The following ZNF483 variants were observed in gnomAD, a reference collection of about 807,000 sequenced individuals.
ZNF483 encodes zinc finger protein 483, also known as zinc finger protein HIT-10.
Under a neutral mutation model 28.6 loss-of-function variants are expected in ZNF483, and 9 were observed. The observed-to-expected ratio is 0.32, with a 90% CI of 0.19 to 0.55. ZNF483 has a LOEUF of 0.55. ZNF483 is among the 20% of genes least tolerant of loss of function. The pLI, the probability that ZNF483 is intolerant of heterozygous loss-of-function variation, is 0.93. For synonymous variants in ZNF483, 322 were observed against 306.2 expected (o/e 1.05, Z -0.54); for missense variants, 675 against 871.7 (o/e 0.77, Z 2.84).
intron 2 of ZNF483, among the ~76,000 whole-genome samples, chr9:111,528,866 C>T (rs1827247239): frequency 6.6e-6 from 1 of 152,164 alleles, no homozygotes; most frequent in Admixed American, 6.5e-5. Context: ...TGATTTCGGG[C>T]TGGGTACGGT....
At chr9:111,575,318 T>G (rs1299857516) in intron 5 of ZNF483, 1 of 152,340 alleles carries the variant, frequency 6.6e-6, no homozygotes, top group Admixed American at 6.6e-5. Flanking sequence ...AAAAGAAAAA[T>G]AAATAAACAG....
At chr9:111,532,821 A>G (rs1351831138) in intron 3 of ZNF483, among the ~76,000 whole-genome samples, 2 of 152,008 alleles carry the variant, frequency 1.3e-5, no homozygotes, top group African/African-American at 2.4e-5. Flanking sequence ...AGGCATGAGA[A>G]TCGCTTGAAC....
At position 111,561,170 on chromosome 9, in the gene ZNF483, AG is replaced by A. The variant is rs1589289334; in HGVS notation, c.722-15194del. Among the ~76,000 whole-genome samples the A allele has an allele frequency of 8.5e-5, 12 of 140,570 alleles. 1 individual carries two copies. In the East Asian group the frequency reaches 1.9e-3, roughly 22 times the overall value. 92.2% of individuals were successfully genotyped at this position (140,570 alleles called of 152,430 possible). On this transcript the variant is annotated intron_variant, in intron 5 of 5. Coordinates refer to the ZNF483 transcript ENST00000358151. ...GAGGGAGAGAGAGAGAGAGAGAGAG[AG>A]AGAGAGAAAGAGAGAGAGATTCTTC...
Position 111,549,580 on chromosome 9 carries a change from G to T in ZNF483, c.*6410G>T. ...TGTCTCCCTTGTAGATTATCAGAGT[G>T]GGTCGATAATCTACAAGCTTTGCTA... On this transcript the variant is annotated 3_prime_UTR_variant, in exon 6 of 6. Transcript: ENST00000309235. 1 of 654,044 alleles carries T rather than the reference G, an allele frequency of 1.5e-6. No individual in the cohort carries two copies. The allele number at this position is 654,044 out of a possible 1,614,324, so 40.5% of individuals were successfully genotyped here.
intron 5 of ZNF483, among the ~76,000 whole-genome samples, chr9:111,560,618 G>A (rs745701063): frequency 3.2e-5 from 4 of 125,338 alleles, no homozygotes; most frequent in African/African-American, 6.4e-5. Flanking sequence ...GTCAGCCTGG[G>A]AGACAGAGAC....
intron 5 of ZNF483, among the ~76,000 whole-genome samples, chr9:111,561,110 T>TATATATATAGAGAGAG (rs1457364862): frequency 1.6e-4 from 3 of 19,190 alleles, no homozygotes; most frequent in African/African-American, 3.9e-4. Context: ...TATATATATA[T>TATATATATAGAGAGAG]AGAGAGAGAG....
At chr9:111,560,787 C>G (rs1166600648) in intron 5 of ZNF483, among the ~76,000 whole-genome samples, 2 of 144,928 alleles carry the variant, frequency 1.4e-5, no homozygotes, top group African/African-American at 5.2e-5. Flanking sequence ...ACTAAAAATA[C>G]AAAACACTAG....
chr9:111,540,858 T>G (rs1305700166), intron 5 of ZNF483, among the ~76,000 whole-genome samples: 1 of 152,164 alleles, frequency 6.6e-6, no homozygotes, highest in Admixed American at 6.5e-5. Context: ...CATGTGACCT[T>G]GGGCAGGCTA....
At chr9:111,539,954 A>T (rs1044118747) in intron 5 of ZNF483, among the ~76,000 whole-genome samples, 1 of 151,796 alleles carries the variant, frequency 6.6e-6, no homozygotes, top group African/African-American at 2.4e-5. Flanking sequence ...GCGCAGGGAG[A>T]CCCCATCTCT....
At chr9:111,566,768 GCTGTCTT>G (rs1200441050) in intron 5 of ZNF483, among the ~76,000 whole-genome samples, 1 of 152,156 alleles carries the variant, frequency 6.6e-6, no homozygotes, top group Non-Finnish European at 1.5e-5. Context: ...GTATGAATAT[GCTGTCTT>G]CATGGAGGTT....
At chr9:111,576,524 T>C in exon 6 of ZNF483, 1 of 1,448,156 alleles carries the variant, frequency 6.9e-7, no homozygotes, top group Non-Finnish European at 9.5e-7. Context: ...GGATGGAGTA[T>C]GAATCCCAAC....
In ZNF483 at chr9:111,554,298, C is replaced by G. The variant is rs1190621702; in HGVS notation, c.*11128C>G. On this transcript the variant is annotated 3_prime_UTR_variant, in exon 6 of 6. Coordinates refer to ENST00000309235, the MANE Select transcript of ZNF483 (RefSeq NM_133464.5). ...ATCCTGTAACTAAGAAAGTCAACCTCTGTCTTAGAAGTCACTTCTACTCTT... is the reference window on the plus strand; with the variant it reads ...ATCCTGTAACTAAGAAAGTCAACCTGTGTCTTAGAAGTCACTTCTACTCTT... Among the ~76,000 whole-genome samples the G allele has an allele frequency of 6.6e-6, 1 of 150,606 alleles. No individual in the cohort carries two copies. The highest frequency in any genetic ancestry group is 1.5e-5 in the Non-Finnish European group (1 of 67,590).
At position 111,548,084 on chromosome 9, in the gene ZNF483, G is replaced by A. The variant is rs1445893935; in HGVS notation, c.*4914G>A. On this transcript the variant is annotated 3_prime_UTR_variant, in exon 6 of 6. Transcript: ENST00000309235. ...TCCTGTAGTATGTTTTTGAAATGAGGAAGTGTGAGGCCTCCAGCTTTGTTC... is the reference window on the plus strand; with the variant it reads ...TCCTGTAGTATGTTTTTGAAATGAGAAAGTGTGAGGCCTCCAGCTTTGTTC... Among the ~76,000 whole-genome samples, 4 of 152,144 alleles carry A rather than the reference G, an allele frequency of 2.6e-5. No individual in the cohort carries two copies. In the East Asian group the frequency reaches 5.8e-4, roughly 22 times the overall value.
chr9:111,551,885 A>G lies in ZNF483; in HGVS notation c.*8715A>G, dbSNP rs780856841. 1.3e-5 allele frequency among the ~76,000 whole-genome samples: 2 copies of G among 152,218 alleles called. No homozygotes were observed. The highest frequency in any genetic ancestry group is 2.4e-5 in the African/African-American group (1 of 41,462). ...TAAATGGAAACAAAACAGTTTATCA[A>G]TACAATATATCATTCTTCAGATTTT... On this transcript the variant is annotated 3_prime_UTR_variant, in exon 6 of 6. Transcript: ENST00000309235.
At chr9:111,527,035 G>A (rs930757069) in intron 1 of ZNF483, among the ~76,000 whole-genome samples, 7 of 152,146 alleles carry the variant, frequency 4.6e-5, no homozygotes, top group Admixed American at 4.6e-4. Context: ...AGCCGGGGCA[G>A]AGGTTGCAGT....
Position 111,548,950 on chromosome 9 carries a change from T to C in ZNF483, c.*5780T>C, listed in dbSNP as rs1315758113. ...GATGATTTGCTTCTCTCTTGATGCTTTTGAGATTCTCCTTTTGTCTTTGGA... is the reference window on the plus strand; with the variant it reads ...GATGATTTGCTTCTCTCTTGATGCTCTTGAGATTCTCCTTTTGTCTTTGGA... On this transcript the variant is annotated 3_prime_UTR_variant, in exon 6 of 6. Transcript: ENST00000309235. Among the ~76,000 whole-genome samples the C allele has an allele frequency of 6.6e-6, 1 of 152,206 alleles. No homozygotes were observed. The highest frequency in any genetic ancestry group is 1.5e-5 in the Non-Finnish European group (1 of 68,036).
chr9:111,558,427 C>A (rs1341173518), downstream of ZNF483, among the ~76,000 whole-genome samples: 1 of 152,118 alleles, frequency 6.6e-6, no homozygotes, highest in African/African-American at 2.4e-5. Flanking sequence ...CCTGTTGTCT[C>A]AGCTAGTTGG....
At chr9:111,526,824 G>A (rs1334263202) in intron 1 of ZNF483, among the ~76,000 whole-genome samples, 1 of 152,138 alleles carries the variant, frequency 6.6e-6, no homozygotes, top group East Asian at 1.9e-4. Context: ...TTATGGCTGG[G>A]CACAGTGGCT....
At chr9:111,571,796 G>A (rs1258806948) in intron 5 of ZNF483, among the ~76,000 whole-genome samples, 3 of 152,100 alleles carry the variant, frequency 2.0e-5, no homozygotes, top group Non-Finnish European at 4.4e-5. Context: ...AAGCCACTGC[G>A]CCTGGCTAAG....
Sources: gnomAD v4.1 joint callset for allele counts (sites outside exome capture counted in the v4.1 genomes callset) on GRCh38, gnomAD v4.1.1 for gene constraint, MANE v1.5 for transcripts, NCBI Gene and HGNC (gene_info 2026-07-23, HGNC 2026-07-21) for gene names.